IFT88: variants seen among roughly 807,000 people sequenced by gnomAD.
The protein encoded by IFT88 is intraflagellar transport protein 88 homolog.
A neutral mutation model predicts 119.5 loss-of-function variants in IFT88; 74 were observed. That is an observed-to-expected ratio of 0.62 (90% CI 0.51 to 0.75). IFT88 has a LOEUF of 0.75. Among genes scored for constraint, IFT88 ranks in the 30% least tolerant of loss-of-function variants. IFT88 has a pLI of 0.00. For missense variants in IFT88, 961 were observed against 977.7 expected, an observed-to-expected ratio of 0.98 and a Z score of 0.23; for synonymous variants, 279 against 316.7, an observed-to-expected ratio of 0.88 and a Z score of 1.26.
Position 20,581,558 on chromosome 13 carries a change from A to G in IFT88, c.91-1399A>G, listed in dbSNP as rs116136425. 3.1e-3 allele frequency among the ~76,000 whole-genome samples: 476 copies of G among 152,306 alleles called. 1 individual carries two copies. Among genetic ancestry groups the G allele is most frequent in the African/African-American group, 0.011 (460 of 41,562 alleles). On this transcript the variant is annotated intron_variant, in intron 2 of 25. Coordinates refer to ENST00000351808, the MANE Select transcript of IFT88 (RefSeq NM_006531.5). The stretch of plus-strand genomic sequence containing the variant: ...AATCGTGTAATTTTATGTAGTTGAT[A>G]TGGAAGGTTACAAGGATAATTTAGG...
At chr13:20,616,233 A>T (rs1410308748) in intron 14 of IFT88, among the ~76,000 whole-genome samples, 2 of 152,156 alleles carry the variant, frequency 1.3e-5, no homozygotes, top group African/African-American at 4.8e-5. Context: ...GTTTGTGGTG[A>T]TGCTGATATA....
Position 20,627,587 on chromosome 13 carries a change from C to T in IFT88, c.1299+1738C>T, listed in dbSNP as rs187290297. ...CTCTACTGAAAATACAAAAATTAGC[C>T]GGGCGTGGTGGCATGCGCCTGTAGT... is the stretch of plus-strand genomic sequence containing the variant. On this transcript the variant is annotated intron_variant, in intron 15 of 25. Transcript: ENST00000351808. 3.1e-3 allele frequency among the ~76,000 whole-genome samples: 466 copies of T among 151,850 alleles called. 1 individual carries two copies. The highest frequency in any genetic ancestry group is 0.011 in the African/African-American group (448 of 41,394).
chr13:20,602,770 C>G (rs1053799088), intron 12 of IFT88, among the ~76,000 whole-genome samples: 9 of 151,696 alleles, frequency 5.9e-5, no homozygotes, highest in African/African-American at 1.7e-4. Flanking sequence ...GTAATCCCAG[C>G]TACTTGGGAG....
At chr13:20,689,490 A>G (rs1055378780) in intron 24 of IFT88, among the ~76,000 whole-genome samples, 4 of 152,190 alleles carry the variant, frequency 2.6e-5, no homozygotes, top group Non-Finnish European at 4.4e-5. Flanking sequence ...GAACACCTAC[A>G]TTTTTGTGGA....
chr13:20,626,261 C>T (rs1427609108), intron 15 of IFT88, among the ~76,000 whole-genome samples: 2 of 151,640 alleles, frequency 1.3e-5, no homozygotes, highest in Non-Finnish European at 2.9e-5. Flanking sequence ...GGGGTTTCAC[C>T]GTGTTAGCCA....
intron 24 of IFT88, among the ~76,000 whole-genome samples, chr13:20,687,377 G>A (rs1429245646): frequency 6.6e-6 from 1 of 151,194 alleles, no homozygotes; most frequent in Non-Finnish European, 1.5e-5. Context: ...CTTGGAATCT[G>A]AATATGAATA....
chr13:20,635,845 AC>A (rs2048950321), intron 16 of IFT88, among the ~76,000 whole-genome samples: 1 of 152,136 alleles, frequency 6.6e-6, no homozygotes. Flanking sequence ...TACCTATGTA[AC>A]AAACCTGCAC....
intron 20 of IFT88, among the ~76,000 whole-genome samples, chr13:20,649,843 T>C (rs1002919371): frequency 6.6e-6 from 1 of 152,054 alleles, no homozygotes; most frequent in South Asian, 2.1e-4. Context: ...TAAAAAGTTA[T>C]AAGAAAACAA....
intron 20 of IFT88, among the ~76,000 whole-genome samples, chr13:20,650,350 T>G (rs1178895707): frequency 6.6e-6 from 1 of 152,218 alleles, no homozygotes; most frequent in East Asian, 1.9e-4. Flanking sequence ...TACTTCACAT[T>G]AATAGAATGA....
At chr13:20,576,776 T>C (rs1290408653) in intron 2 of IFT88, among the ~76,000 whole-genome samples, 7 of 152,208 alleles carry the variant, frequency 4.6e-5, no homozygotes, top group African/African-American at 1.7e-4. Flanking sequence ...AGCTCTATAG[T>C]GTAATTTGAA....
intron 22 of IFT88, among the ~76,000 whole-genome samples, chr13:20,659,834 G>C (rs986247201): frequency 6.6e-6 from 1 of 151,980 alleles, no homozygotes; most frequent in African/African-American, 2.4e-5. Flanking sequence ...AGTAGGGATG[G>C]GGTTTCACCA....
chr13:20,618,559 G>A (rs964006823), intron 14 of IFT88, among the ~76,000 whole-genome samples: 11 of 152,262 alleles, frequency 7.2e-5, no homozygotes, highest in African/African-American at 2.6e-4. Context: ...GGGGTTCTGT[G>A]ATATAAATCC....
chr13:20,640,463 C>T (rs1056907918), intron 17 of IFT88, among the ~76,000 whole-genome samples: 17 of 152,150 alleles, frequency 1.1e-4, no homozygotes, highest in African/African-American at 3.9e-4. Context: ...GTCCCAGCTA[C>T]TCAGGAGGCT....
intron 3 of IFT88, among the ~76,000 whole-genome samples, chr13:20,585,052 T>A (rs1566079865): frequency 6.6e-6 from 1 of 152,240 alleles, no homozygotes; most frequent in Non-Finnish European, 1.5e-5. Flanking sequence ...CACTTTGTCA[T>A]GTTCTCCCGT....
chr13:20,634,923 A>G (rs2048789411), intron 16 of IFT88, among the ~76,000 whole-genome samples: 1 of 150,398 alleles, frequency 6.6e-6, no homozygotes. Context: ...AACATTAGGT[A>G]TATGTCCTAA....
chr13:20,603,483 C>T (rs1594082559), intron 12 of IFT88, among the ~76,000 whole-genome samples: 1 of 152,022 alleles, frequency 6.6e-6, no homozygotes. Context: ...CTCTTACTCT[C>T]CCTGTGTCTC....
chr13:20,597,248 TC>T, intron 9 of IFT88, 129 bp downstream of exon 9: 1 of 515,854 alleles, frequency 1.9e-6, no homozygotes, highest in Non-Finnish European at 3.5e-6. Flanking sequence ...TTAATAATAA[TC>T]TTTAGTTCAT....
intron 24 of IFT88, among the ~76,000 whole-genome samples, chr13:20,671,897 A>G: frequency 6.6e-6 from 1 of 152,134 alleles, no homozygotes; most frequent in East Asian, 1.9e-4. Flanking sequence ...ACAAAGACAA[A>G]TGTAGCTCTT....
At chr13:20,590,736 A>G (rs1396441849) in intron 4 of IFT88, among the ~76,000 whole-genome samples, 2 of 152,172 alleles carry the variant, frequency 1.3e-5, no homozygotes, top group African/African-American at 4.8e-5. Flanking sequence ...GTGCAAAGGA[A>G]TGGGGCATGG....
Sources: allele counts gnomAD v4.1 joint callset (sites outside exome capture counted in the v4.1 genomes callset), GRCh38; gene constraint gnomAD v4.1.1; transcripts MANE v1.5; gene names NCBI Gene and HGNC (gene_info 2026-07-23, HGNC 2026-07-21).